The following CNTNAP3B variants were observed in gnomAD, a reference collection of about 807,000 sequenced individuals.
The protein encoded by CNTNAP3B is contactin-associated protein-like 3B.
Under a neutral mutation model 108.9 loss-of-function variants are expected in CNTNAP3B, and 25 were observed. The ratio of observed to expected loss-of-function variants is 0.23; its 90% confidence interval spans 0.17 to 0.32. The LOEUF is 0.32. CNTNAP3B is among the 10% of genes least tolerant of loss of function. CNTNAP3B has a pLI of 1.00. For missense variants in CNTNAP3B, 252 were observed against 1,210.4 expected (o/e 0.21, Z 11.75); for synonymous variants, 103 against 473.4 (o/e 0.22, Z 10.16).
intron 2 of CNTNAP3B, among the ~76,000 whole-genome samples, chr9:42,101,869 C>A (rs1828008633): frequency 8.9e-6 from 1 of 112,088 alleles, no homozygotes; most frequent in Non-Finnish European, 1.8e-5. Context: ...CCATCCGGGC[C>A]AGCATGGTGA....
At chr9:41,944,563 G>A (rs1824466084) in intron 13 of CNTNAP3B, among the ~76,000 whole-genome samples, 1 of 152,352 alleles carries the variant, frequency 6.6e-6, no homozygotes, top group Non-Finnish European at 1.5e-5. Flanking sequence ...TAGGAGAAGT[G>A]AGGATATGGA....
rs1238335979 is a variant in CNTNAP3B, at chr9:42,046,616, A to G, written c.390+30253T>C. Among the ~76,000 whole-genome samples, 54 of 104,656 alleles carry G rather than the reference A, an allele frequency of 5.2e-4. 1 individual carries two copies. In the East Asian group the frequency reaches 0.017, roughly 32 times the overall value. The allele number at this position is 104,656 out of a possible 152,430, so 68.7% of individuals were successfully genotyped here. On this transcript the variant is annotated intron_variant, in intron 3 of 23. Coordinates refer to ENST00000377561, the MANE Select transcript of CNTNAP3B (RefSeq NM_001201380.3). Reference sequence around the variant, plus strand: ...TGTTTCATAGCCAACAGGCCTACACATACCACAGAAACCACGCAGCAAAAT... The same window carrying G: ...TGTTTCATAGCCAACAGGCCTACACGTACCACAGAAACCACGCAGCAAAAT...
At chr9:42,124,114 C>T (rs1828517392) in intron 1 of CNTNAP3B, among the ~76,000 whole-genome samples, 1 of 138,696 alleles carries the variant, frequency 7.2e-6, no homozygotes, top group Non-Finnish European at 1.5e-5. Context: ...AGTAGGCATG[C>T]TACTTAAATC....
intron 11 of CNTNAP3B, among the ~76,000 whole-genome samples, chr9:41,961,360 T>A (rs1587150398): frequency 6.6e-6 from 1 of 152,306 alleles, no homozygotes; most frequent in Admixed American, 6.5e-5. Context: ...TGTAAAACAC[T>A]TGAAGAGATA....
intron 10 of CNTNAP3B, among the ~76,000 whole-genome samples, chr9:41,969,867 G>A (rs1363299075): frequency 7.0e-6 from 1 of 143,658 alleles, no homozygotes; most frequent in East Asian, 2.1e-4. Context: ...CTCGTGATCC[G>A]CCAGCCTCAG....
chr9:42,109,071 A>G (rs1436121180), intron 1 of CNTNAP3B, among the ~76,000 whole-genome samples: 1 of 138,654 alleles, frequency 7.2e-6, no homozygotes, highest in African/African-American at 2.9e-5. Context: ...TACTTTTCAA[A>G]ACAGCATTTC....
intron 18 of CNTNAP3B, among the ~76,000 whole-genome samples, chr9:41,916,692 C>G (rs1284696985): frequency 2.1e-5 from 3 of 145,258 alleles, no homozygotes; most frequent in East Asian, 3.9e-4. Context: ...TCACCTTAAA[C>G]ATTTATCATT....
chr9:42,090,876 G>T (rs1827808152), intron 2 of CNTNAP3B, among the ~76,000 whole-genome samples: 1 of 85,596 alleles, frequency 1.2e-5, no homozygotes, highest in Non-Finnish European at 2.3e-5. Context: ...CATACATTCA[G>T]CTTCAGGAAA....
intron 11 of CNTNAP3B, among the ~76,000 whole-genome samples, chr9:41,962,738 A>G (rs1825139141): frequency 6.6e-6 from 1 of 151,244 alleles, no homozygotes; most frequent in Non-Finnish European, 1.5e-5. Flanking sequence ...GGTGGATCAC[A>G]AGGTCAGGAG....
At chr9:42,117,832 T>A (rs1828354559) in intron 1 of CNTNAP3B, among the ~76,000 whole-genome samples, 1 of 137,668 alleles carries the variant, frequency 7.3e-6, no homozygotes, top group Non-Finnish European at 1.5e-5. Context: ...CAATAAAAAA[T>A]GACAAAGGGG....
intron 18 of CNTNAP3B, among the ~76,000 whole-genome samples, chr9:41,913,538 G>T (rs1468877102): frequency 1.6e-4 from 22 of 134,108 alleles, no homozygotes; most frequent in Non-Finnish European, 3.1e-4. Flanking sequence ...TATATAATTT[G>T]CCACTTAACC....
At position 42,103,521 on chromosome 9, in the gene CNTNAP3B, A is replaced by G. The variant is rs866800513; in HGVS notation, c.196+1108T>C. On this transcript the variant is annotated intron_variant, in intron 2 of 23. Coordinates refer to ENST00000377561, the MANE Select transcript of CNTNAP3B (RefSeq NM_001201380.3). ...GGTGGATCAGGAGGTGAGGAGATCC[A>G]GACCACCTTGGCTAACATGGTGAAA... Among the ~76,000 whole-genome samples, 860 of 124,506 alleles carry G rather than the reference A, an allele frequency of 6.9e-3. 32 individuals are homozygous for G. The highest frequency in any genetic ancestry group is 0.028 in the African/African-American group (823 of 29,332). The allele number at this position is 124,506 out of a possible 152,430, so 81.7% of individuals were successfully genotyped here. A position where few individuals can be genotyped will look rare whatever the true frequency, so the allele number is the denominator to read the frequency against.
chr9:41,941,223 T>C (rs1242244336), intron 13 of CNTNAP3B, among the ~76,000 whole-genome samples: 14 of 150,418 alleles, frequency 9.3e-5, no homozygotes, highest in Admixed American at 3.3e-4. Context: ...AAAATTACCT[T>C]AAATGTAAAT....
At chr9:42,099,145 A>T (rs1250469257) in intron 2 of CNTNAP3B, among the ~76,000 whole-genome samples, 1 of 127,844 alleles carries the variant, frequency 7.8e-6, no homozygotes, top group Non-Finnish European at 1.7e-5. Flanking sequence ...TTGAGAAAAA[A>T]GTTCTAAGTG....
In CNTNAP3B at chr9:42,128,124, C is replaced by T. The variant is rs554881982; in HGVS notation, c.85+886G>A. On this transcript the variant is annotated intron_variant, in intron 1 of 23. Transcript: ENST00000377561. Reference sequence around the variant, plus strand: ...GGTTTCATTAATCAAGAAAGAAAGACGACTCTCTGATAGAGATTTACTCCA... The same window carrying T: ...GGTTTCATTAATCAAGAAAGAAAGATGACTCTCTGATAGAGATTTACTCCA... Among the ~76,000 whole-genome samples, 25 of 138,230 alleles carry T rather than the reference C, an allele frequency of 1.8e-4. 7 individuals carry two copies. Among genetic ancestry groups the T allele is most frequent in the African/African-American group, 7.2e-4 (25 of 34,738 alleles). The allele number at this position is 138,230 out of a possible 152,430, so 90.7% of individuals were successfully genotyped here.
intron 13 of CNTNAP3B, among the ~76,000 whole-genome samples, chr9:41,942,357 T>C (rs1293111541): frequency 6.6e-6 from 1 of 152,358 alleles, no homozygotes; most frequent in South Asian, 2.1e-4. Flanking sequence ...AAGCCTGTAA[T>C]CCCAGCATTT....
rs569037022 is a variant in CNTNAP3B at position 42,121,746 on chromosome 9, G to T, written c.85+7264C>A. Reference sequence around the variant, plus strand: ...AATGTTTGCTTATCTATAGGTAAGAGCTCACTATTTCTTATATCATGTTAT... The same window carrying T: ...AATGTTTGCTTATCTATAGGTAAGATCTCACTATTTCTTATATCATGTTAT... On this transcript the variant is annotated intron_variant, in intron 1 of 23. Coordinates refer to ENST00000377561, the MANE Select transcript of CNTNAP3B (RefSeq NM_001201380.3). Among the ~76,000 whole-genome samples, 245 of 140,132 alleles carry T rather than the reference G, an allele frequency of 1.7e-3. 52 individuals carry two copies. Among genetic ancestry groups the T allele is most frequent in the African/African-American group, 6.7e-3 (239 of 35,584 alleles). 91.9% of individuals were successfully genotyped at this position (140,132 alleles called of 152,430 possible).
chr9:41,917,088 G>C (rs1446266268), intron 18 of CNTNAP3B, among the ~76,000 whole-genome samples: 1 of 152,298 alleles, frequency 6.6e-6, no homozygotes. Context: ...TTAATTTGGG[G>C]ATGTTTTCAA....
intron 3 of CNTNAP3B, among the ~76,000 whole-genome samples, chr9:42,075,403 G>T (rs1264136390): frequency 7.2e-6 from 1 of 138,748 alleles, no homozygotes; most frequent in Non-Finnish European, 1.5e-5. Context: ...ACTGTGAGCG[G>T]GCACCAGGAA....
Sources: allele counts gnomAD v4.1 joint callset (sites outside exome capture counted in the v4.1 genomes callset), GRCh38; gene constraint gnomAD v4.1.1; transcripts MANE v1.5; gene names NCBI Gene and HGNC (gene_info 2026-07-23, HGNC 2026-07-21).